Variants in RYR3 observed in about 807,000 individuals in gnomAD.
RYR3 encodes brain ryanodine receptor-calcium release channel.
RYR3 carries 207 observed loss-of-function variants against 584.3 expected under a neutral mutation model. The ratio of observed to expected loss-of-function variants is 0.35; its 90% CI spans 0.32 to 0.40. The LOEUF (loss-of-function observed/expected upper bound fraction) is 0.40, where lower values mean the gene tolerates loss of function less well. Among genes scored for constraint, RYR3 ranks in the 10% least tolerant of loss-of-function variants. The pLI is 1.00. For missense variants in RYR3, 5,616 were observed against 6,089.2 expected, an observed-to-expected ratio of 0.92 and a Z score of 2.59; for synonymous variants, 2,416 against 2,248.5, an observed-to-expected ratio of 1.07 and a Z score of -2.11.
At chr15:33,790,875 T>C (rs1375217257) in intron 67 of RYR3, among the ~76,000 whole-genome samples, 1 of 152,052 alleles carries the variant, frequency 6.6e-6, no homozygotes. Flanking sequence ...CAGAATGTTG[T>C]ATCCTGAGTG....
chr15:33,573,254 G>A (rs1435118), intron 12 of RYR3, among the ~76,000 whole-genome samples: 95,412 of 151,992 alleles, frequency 0.63, 31,614 homozygotes, highest in Middle Eastern at 0.75. Flanking sequence ...AAGTTACAGT[G>A]TTTGGATTTT....
chr15:33,513,813 T>C (rs1231411052), intron 3 of RYR3, among the ~76,000 whole-genome samples: 1 of 152,184 alleles, frequency 6.6e-6, no homozygotes, highest in Non-Finnish European at 1.5e-5. Context: ...ACTAAATGAG[T>C]GGCTCCTAAA....
At chr15:33,790,707 G>T (rs1213702720) in intron 67 of RYR3, among the ~76,000 whole-genome samples, 1 of 152,120 alleles carries the variant, frequency 6.6e-6, no homozygotes, top group Non-Finnish European at 1.5e-5. Context: ...ATGAATTTGG[G>T]AGTAATCGAC....
At chr15:33,855,850 T>C (rs1193568218) in intron 98 of RYR3, 2 of 152,310 alleles carry the variant, frequency 1.3e-5, no homozygotes, top group South Asian at 2.1e-4. Context: ...TATAACCATA[T>C]TAAAATCTTC....
intron 102 of RYR3, among the ~76,000 whole-genome samples, chr15:33,863,888 A>ATCTT (rs1889450200): frequency 1.3e-5 from 2 of 152,160 alleles, no homozygotes; most frequent in African/African-American, 4.8e-5. Context: ...CTTGCAAGTG[A>ATCTT]TCTTACTTAG....
intron 3 of RYR3, among the ~76,000 whole-genome samples, chr15:33,506,239 G>A (rs966608834): frequency 1.3e-5 from 2 of 152,138 alleles, no homozygotes; most frequent in South Asian, 4.1e-4. Context: ...ATATGAATAA[G>A]ACCTACCTTA....
intron 1 of RYR3, among the ~76,000 whole-genome samples, chr15:33,381,302 C>T (rs1026568892): frequency 2.6e-5 from 4 of 152,052 alleles, no homozygotes; most frequent in African/African-American, 4.8e-5. Flanking sequence ...GTGATTTGCT[C>T]GAGGTGACAC....
At chr15:33,773,651 A>T in intron 64 of RYR3, 36 bp downstream of exon 64, 3 of 1,371,616 alleles carry the variant, frequency 2.2e-6, no homozygotes, top group Non-Finnish European at 3.1e-6. Context: ...ACTTTCAGGC[A>T]TAGTAAAATG....
intron 3 of RYR3, among the ~76,000 whole-genome samples, chr15:33,517,081 A>G (rs935226688): frequency 2.0e-5 from 3 of 151,706 alleles, no homozygotes; most frequent in Non-Finnish European, 2.9e-5. Context: ...TGCAACCTCT[A>G]CTTCTCGGGA....
intron 1 of RYR3, among the ~76,000 whole-genome samples, chr15:33,468,053 G>T (rs1369109415): frequency 6.6e-6 from 1 of 152,130 alleles, no homozygotes; most frequent in Non-Finnish European, 1.5e-5. Context: ...CCCGTTTGGT[G>T]CCATGGTAGA....
At chr15:33,599,517 C>A (rs1176330790) in intron 16 of RYR3, among the ~76,000 whole-genome samples, 1 of 152,172 alleles carries the variant, frequency 6.6e-6, no homozygotes, top group African/African-American at 2.4e-5. Context: ...GGACAGGGAA[C>A]TTCCAGGTTA....
rs774349623 is a variant in RYR3 at position 33,729,006 on chromosome 15, G to A, written c.7183G>A (p.Ala2395Thr). ...LEVGFLPDLR[A>T]SASLDTVSLS... The stretch of plus-strand genomic sequence containing the variant: ...GGTTGGATTTTTACCTGACCTAAGA[G>A]CTTCTGCCTCTCTAGATACAGTAAG... Residue 2395 changes from alanine (A) to threonine (T), a missense_variant, in exon 47 of 104, where the codon GCT (alanine) becomes ACT (threonine). Transcript: ENST00000634891. 1.2e-6 allele frequency: 2 copies of A among 1,613,858 alleles called. No individual in the cohort carries two copies. The highest frequency in any genetic ancestry group is 1.3e-5 in the African/African-American group (1 of 75,036).
intron 1 of RYR3, among the ~76,000 whole-genome samples, chr15:33,431,284 G>T (rs1257587642): frequency 6.6e-6 from 1 of 152,154 alleles, no homozygotes; most frequent in Admixed American, 6.5e-5. Flanking sequence ...AGTTAGATCT[G>T]TATCCAGCTC....
At chr15:33,691,809 A>AT (rs1288030278) in intron 38 of RYR3, among the ~76,000 whole-genome samples, 12 of 152,194 alleles carry the variant, frequency 7.9e-5, no homozygotes, top group African/African-American at 2.9e-4. Flanking sequence ...TGTGAAACGC[A>AT]TTTATCTGGA....
At chr15:33,842,398 C>T (rs1162627715) in intron 91 of RYR3, among the ~76,000 whole-genome samples, 1 of 152,212 alleles carries the variant, frequency 6.6e-6, no homozygotes. Flanking sequence ...ACGTGGGAAT[C>T]AGAAAGAATG....
At chr15:33,763,453 A>G (rs1486275305) in intron 60 of RYR3, among the ~76,000 whole-genome samples, 1 of 152,190 alleles carries the variant, frequency 6.6e-6, no homozygotes, top group East Asian at 1.9e-4. Context: ...AACGGGGGTG[A>G]AGGATATGAA....
At chr15:33,541,885 A>G (rs971021628) in intron 7 of RYR3, among the ~76,000 whole-genome samples, 3 of 152,116 alleles carry the variant, frequency 2.0e-5, no homozygotes, top group South Asian at 4.1e-4. Context: ...TTGTCAGTCA[A>G]TCCCTTTCTA....
chr15:33,385,710 C>CCTTTTTTT (rs2041549682), intron 1 of RYR3, among the ~76,000 whole-genome samples: 1 of 131,402 alleles, frequency 7.6e-6, no homozygotes, highest in African/African-American at 2.9e-5. Context: ...TTTTTCTTTT[C>CCTTTTTTT]TTTTTTTTTT....
intron 102 of RYR3, among the ~76,000 whole-genome samples, chr15:33,862,794 A>T (rs968009668): frequency 2.0e-5 from 3 of 152,076 alleles, no homozygotes; most frequent in Non-Finnish European, 4.4e-5. Flanking sequence ...TATTTTTAGT[A>T]GAGACAGGGT....
Sources: gnomAD v4.1 joint callset for allele counts (sites outside exome capture counted in the v4.1 genomes callset) on GRCh38, gnomAD v4.1.1 for gene constraint, MANE v1.5 for transcripts, NCBI Gene and HGNC (gene_info 2026-07-23, HGNC 2026-07-21) for gene names.